The following PDZRN4 variants were observed in gnomAD, a reference collection of about 807,000 sequenced individuals.
PDZRN4 encodes the protein PDZ domain containing ring finger 4.
A neutral mutation model predicts 99.0 loss-of-function variants in PDZRN4; 70 were observed. That is an observed-to-expected ratio of 0.71 (90% confidence interval 0.58 to 0.86). The LOEUF (loss-of-function observed/expected upper bound fraction) is 0.86, where lower values mean the gene tolerates loss of function less well. Among genes scored for constraint, PDZRN4 ranks in the 40% least tolerant of loss-of-function variants. The pLI is 0.00. For missense variants in PDZRN4, 1,474 were observed against 1,331.2 expected, an observed-to-expected ratio of 1.11 and a Z score of -1.67; for synonymous variants, 551 against 501.6, an observed-to-expected ratio of 1.10 and a Z score of -1.32.
chr12:41,261,086 T>A (rs1426848876), intron 3 of PDZRN4, among the ~76,000 whole-genome samples: 1 of 152,184 alleles, frequency 6.6e-6, no homozygotes, highest in African/African-American at 2.4e-5. Flanking sequence ...CCATAGCACA[T>A]CCCAGTTTTA....
intron 3 of PDZRN4, among the ~76,000 whole-genome samples, chr12:41,462,045 G>A (rs77002052): frequency 0.066 from 10,056 of 152,088 alleles, 808 homozygotes; most frequent in East Asian, 0.18. Flanking sequence ...GATTACATTC[G>A]CTCTGATATG....
At chr12:41,258,852 A>T (rs1232400651) in intron 3 of PDZRN4, among the ~76,000 whole-genome samples, 1 of 152,098 alleles carries the variant, frequency 6.6e-6, no homozygotes, top group African/African-American at 2.4e-5. Context: ...GGAATGATGG[A>T]GGTGCTGTCT....
At chr12:41,335,422 A>T (rs1037726912) in intron 3 of PDZRN4, among the ~76,000 whole-genome samples, 1 of 152,150 alleles carries the variant, frequency 6.6e-6, no homozygotes, top group South Asian at 2.1e-4. Context: ...CACATCACAA[A>T]TGTTGTACTT....
intron 3 of PDZRN4, among the ~76,000 whole-genome samples, chr12:41,436,457 G>A (rs538241051): frequency 6.6e-6 from 1 of 152,232 alleles, no homozygotes; most frequent in African/African-American, 2.4e-5. Flanking sequence ...CCAAAACGTA[G>A]CTATTCGTCA....
intron 5 of PDZRN4, among the ~76,000 whole-genome samples, chr12:41,547,607 A>G (rs1432388444): frequency 1.3e-5 from 2 of 152,164 alleles, no homozygotes; most frequent in African/African-American, 4.8e-5. Context: ...CCTGGGCGAC[A>G]GAGTGAGACT....
At position 41,188,379 on chromosome 12, in the gene PDZRN4, G is replaced by C; in HGVS notation, c.-77G>C. 7.3e-7 allele frequency: 1 copy of C among 1,361,958 alleles called. No homozygotes were observed. The highest frequency in any genetic ancestry group is 9.7e-7 in the Non-Finnish European group (1 of 1,032,868). 84.4% of individuals were successfully genotyped at this position (1,361,958 alleles called of 1,614,324 possible). On this transcript the variant is annotated 5_prime_UTR_variant, in exon 1 of 10. Transcript: ENST00000402685. Reference sequence around the variant, plus strand: ...CGCCGCCGCGAGACGGCTGCCCCGGGGGTGGCCCGGGGAAGGCAGGGGGGC... The same window carrying C: ...CGCCGCCGCGAGACGGCTGCCCCGGCGGTGGCCCGGGGAAGGCAGGGGGGC...
chr12:41,541,143 G>A (rs984135960), intron 5 of PDZRN4, among the ~76,000 whole-genome samples: 5 of 151,964 alleles, frequency 3.3e-5, no homozygotes, highest in African/African-American at 1.2e-4. Flanking sequence ...TGCTAGCCAG[G>A]ATGGTCTTGA....
At chr12:41,461,754 T>C (rs1952875700) in intron 3 of PDZRN4, among the ~76,000 whole-genome samples, 1 of 152,200 alleles carries the variant, frequency 6.6e-6, no homozygotes, top group Non-Finnish European at 1.5e-5. Flanking sequence ...CTCAGAGCCC[T>C]AAATAGAATA....
At chr12:41,345,323 C>T (rs1360171540) in intron 3 of PDZRN4, among the ~76,000 whole-genome samples, 1 of 152,112 alleles carries the variant, frequency 6.6e-6, no homozygotes, top group Non-Finnish European at 1.5e-5. Context: ...ATTCATGACC[C>T]ACCCTCCCCC....
At chr12:41,299,265 TGAGAGAGA>T (rs374747989) in intron 3 of PDZRN4, among the ~76,000 whole-genome samples, 13 of 150,176 alleles carry the variant, frequency 8.7e-5, no homozygotes, top group African/African-American at 2.7e-4. Context: ...GAGAGTAAAA[TGAGAGAGA>T]GAGAGAGAGA....
Position 41,514,504 on chromosome 12 carries a change from G to GA in PDZRN4, c.1203+4600dup, listed in dbSNP as rs200711564. Among the ~76,000 whole-genome samples the GA allele has an allele frequency of 4.8e-3, 717 of 149,652 alleles. 5 individuals are homozygous for GA. The highest frequency in any genetic ancestry group is 0.031 in the Middle Eastern group (9 of 294). ...CTTCATGATTTGTGAAGCCAGTGTT[G>GA]AAAAAAAAACAAGTCCCTAGCATGA... On this transcript the variant is annotated intron_variant, in intron 5 of 9. Transcript: ENST00000402685.
chr12:41,340,449 G>A (rs977015547), intron 3 of PDZRN4, among the ~76,000 whole-genome samples: 18 of 151,716 alleles, frequency 1.2e-4, no homozygotes, highest in Admixed American at 2.6e-4. Context: ...TGAGGTTGGG[G>A]GTGAGGAAGT....
At position 41,405,079 on chromosome 12, in the gene PDZRN4, CA is replaced by C. The variant is rs539746692; in HGVS notation, c.844-101373del. ...GACAAATAATTTTTGGCTAAGTCCC[CA>C]AAAGCAATTGCAAAAAAAATAAGAA... On this transcript the variant is annotated intron_variant, in intron 3 of 9. Transcript: ENST00000402685. Among the ~76,000 whole-genome samples the C allele has an allele frequency of 7.0e-4, 106 of 152,008 alleles. 3 individuals carry two copies. The highest frequency in any genetic ancestry group is 2.0e-3 in the African/African-American group (83 of 41,470).
chr12:41,242,360 A>C (rs1311531957), intron 3 of PDZRN4, among the ~76,000 whole-genome samples: 2 of 152,212 alleles, frequency 1.3e-5, no homozygotes, highest in Non-Finnish European at 2.9e-5. Flanking sequence ...AGAGTTCTGC[A>C]GTCCATCATC....
chr12:41,503,211 T>G (rs1021748644), intron 3 of PDZRN4, among the ~76,000 whole-genome samples: 1 of 152,158 alleles, frequency 6.6e-6, no homozygotes, highest in Non-Finnish European at 1.5e-5. Flanking sequence ...ATAGACTTCT[T>G]TACTTTGAGA....
At chr12:41,512,095 C>T (rs10880088) in intron 5 of PDZRN4, among the ~76,000 whole-genome samples, 23,036 of 152,094 alleles carry the variant, frequency 0.15, 2,157 homozygotes, top group Non-Finnish European at 0.21. Context: ...AAGAGATATG[C>T]ATTCCTCTTC....
At chr12:41,273,182 T>G (rs1332034822) in intron 3 of PDZRN4, among the ~76,000 whole-genome samples, 1 of 152,068 alleles carries the variant, frequency 6.6e-6, no homozygotes, top group Non-Finnish European at 1.5e-5. Flanking sequence ...AAAGTAATGT[T>G]AGGCACTATG....
chr12:41,213,267 TG>T (rs1950899448), intron 3 of PDZRN4, among the ~76,000 whole-genome samples: 1 of 151,876 alleles, frequency 6.6e-6, no homozygotes. Context: ...CAGATGGAAG[TG>T]GGAGGCTGGC....
At chr12:41,545,509 A>ATATG (rs1487527395) in intron 5 of PDZRN4, among the ~76,000 whole-genome samples, 7 of 142,994 alleles carry the variant, frequency 4.9e-5, no homozygotes, top group Non-Finnish European at 7.6e-5. Context: ...GATGATATTA[A>ATATG]TGTGTGTGTG....
Sources: gnomAD v4.1 joint callset for allele counts (sites outside exome capture counted in the v4.1 genomes callset) on GRCh38, gnomAD v4.1.1 for gene constraint, MANE v1.5 for transcripts, NCBI Gene and HGNC (gene_info 2026-07-23, HGNC 2026-07-21) for gene names.